Variants in ADAMTS6 observed in about 807,000 individuals in gnomAD.
The protein encoded by ADAMTS6 is ADAM metallopeptidase with thrombospondin type 1 motif 6.
In ADAMTS6, 23 loss-of-function variants were observed where a neutral mutation model predicts 144.3. The observed-to-expected ratio is 0.16, with a 90% CI of 0.11 to 0.23. ADAMTS6 has a LOEUF of 0.23. Ranked by LOEUF, ADAMTS6 falls within the 10% of genes least tolerant of loss-of-function variation. ADAMTS6 has a pLI of 1.00. For synonymous variants in ADAMTS6, 444 were observed against 457.5 expected (o/e 0.97, Z 0.38); for missense variants, 999 against 1,379.6 (o/e 0.72, Z 4.37).
intron 7 of ADAMTS6, among the ~76,000 whole-genome samples, chr5:65,394,968 G>C (rs1037711898): frequency 3.3e-5 from 5 of 152,068 alleles, no homozygotes; most frequent in Middle Eastern, 3.4e-3. Context: ...GCGTCATAGA[G>C]AAAAAAACTG....
At chr5:65,297,168 T>A in intron 10 of ADAMTS6, 1 of 453,778 alleles carries the variant, frequency 2.2e-6, no homozygotes, top group South Asian at 1.6e-5. Context: ...TTAACGGAAA[T>A]GGGTTCTTTA....
chr5:65,355,207 T>C (rs1749207139), intron 7 of ADAMTS6, among the ~76,000 whole-genome samples: 1 of 151,794 alleles, frequency 6.6e-6, no homozygotes, highest in South Asian at 2.1e-4. Flanking sequence ...ATTTTTCTGA[T>C]AAAATAGTTA....
chr5:65,230,083 A>G (rs1758030297), intron 15 of ADAMTS6, among the ~76,000 whole-genome samples: 1 of 151,906 alleles, frequency 6.6e-6, no homozygotes, highest in African/African-American at 2.4e-5. Flanking sequence ...GCTGGCCAGA[A>G]GAGGCTGATA....
intron 11 of ADAMTS6, among the ~76,000 whole-genome samples, chr5:65,285,295 G>A (rs915456091): frequency 3.9e-5 from 6 of 151,924 alleles, no homozygotes; most frequent in African/African-American, 1.2e-4. Flanking sequence ...GAGAGCACTG[G>A]GCACAGTGGC....
At chr5:65,461,597 G>A (rs1759646729) in intron 3 of ADAMTS6, among the ~76,000 whole-genome samples, 1 of 152,118 alleles carries the variant, frequency 6.6e-6, no homozygotes, top group Admixed American at 6.6e-5. Flanking sequence ...CTCTCTGGGT[G>A]TATTTCCTCA....
intron 7 of ADAMTS6, among the ~76,000 whole-genome samples, chr5:65,438,962 C>T (rs1190700492): frequency 6.6e-6 from 1 of 152,144 alleles, no homozygotes; most frequent in African/African-American, 2.4e-5. Flanking sequence ...CCTCTCTTCC[C>T]TATCCTCAGT....
chr5:65,154,282 T>C (rs1752288541), intron 24 of ADAMTS6, among the ~76,000 whole-genome samples: 1 of 152,188 alleles, frequency 6.6e-6, no homozygotes, highest in South Asian at 2.1e-4. Flanking sequence ...GTGCTAGAAA[T>C]AAGACTCTTC....
chr5:65,183,585 A>T (rs1754489638), intron 22 of ADAMTS6, among the ~76,000 whole-genome samples: 1 of 151,896 alleles, frequency 6.6e-6, no homozygotes, highest in Non-Finnish European at 1.5e-5. Flanking sequence ...ATAAGGGGGG[A>T]CTACTATCAA....
At chr5:65,395,102 T>C (rs555623951) in intron 7 of ADAMTS6, among the ~76,000 whole-genome samples, 2 of 152,274 alleles carry the variant, frequency 1.3e-5, no homozygotes, top group Admixed American at 1.3e-4. Context: ...AGTATGTGTA[T>C]GGAACACACA....
intron 7 of ADAMTS6, among the ~76,000 whole-genome samples, chr5:65,405,574 T>C (rs1725696971): frequency 6.6e-6 from 1 of 152,184 alleles, no homozygotes; most frequent in African/African-American, 2.4e-5. Flanking sequence ...TGAAGTCAGG[T>C]AGTGTGATGC....
intron 7 of ADAMTS6, among the ~76,000 whole-genome samples, chr5:65,450,865 T>C (rs1285776454): frequency 6.6e-6 from 1 of 152,120 alleles, no homozygotes; most frequent in African/African-American, 2.4e-5. Context: ...CTCAAAACAG[T>C]TTTGTAAAAC....
chr5:65,409,347 C>T (rs1240771240), intron 7 of ADAMTS6, among the ~76,000 whole-genome samples: 3 of 149,990 alleles, frequency 2.0e-5, no homozygotes, highest in Non-Finnish European at 3.0e-5. Flanking sequence ...AAATACACTA[C>T]CATCAGAGAA....
chr5:65,364,924 A>G (rs960054861), intron 7 of ADAMTS6, among the ~76,000 whole-genome samples: 1 of 152,170 alleles, frequency 6.6e-6, no homozygotes, highest in African/African-American at 2.4e-5. Flanking sequence ...AATCAGATCA[A>G]CTTACGAGGT....
intron 7 of ADAMTS6, among the ~76,000 whole-genome samples, chr5:65,371,497 G>A (rs1405664607): frequency 3.3e-5 from 5 of 152,098 alleles, no homozygotes; most frequent in Admixed American, 6.6e-5. Flanking sequence ...GAGCCAATGC[G>A]ATCAACTGGA....
At chr5:65,443,622 CAAAAAAAAAAAAAAA>C (rs59240974) in intron 7 of ADAMTS6, among the ~76,000 whole-genome samples, 2 of 69,122 alleles carry the variant, frequency 2.9e-5, no homozygotes, top group South Asian at 4.9e-4. Flanking sequence ...GACCCTGTCT[CAAAAAAAAAAAAAAA>C]AAAAAAAAAA....
intron 7 of ADAMTS6, among the ~76,000 whole-genome samples, chr5:65,440,921 T>A (rs1408480360): frequency 6.6e-6 from 1 of 152,040 alleles, no homozygotes; most frequent in Non-Finnish European, 1.5e-5. Context: ...TCAAGAATAA[T>A]TACAGAAACA....
chr5:65,376,411 A>C (rs1751555054), intron 7 of ADAMTS6, among the ~76,000 whole-genome samples: 2 of 152,050 alleles, frequency 1.3e-5, no homozygotes. Context: ...AAATTGCGCC[A>C]CTGCAGTCCA....
chr5:65,407,603 C>T (rs927861032), intron 7 of ADAMTS6, among the ~76,000 whole-genome samples: 18 of 150,404 alleles, frequency 1.2e-4, no homozygotes, highest in Admixed American at 4.0e-4. Context: ...GTTTTTTGTC[C>T]TTGCAATAGT....
intron 15 of ADAMTS6, among the ~76,000 whole-genome samples, chr5:65,232,285 T>A (rs1758309365): frequency 1.3e-5 from 2 of 152,118 alleles, no homozygotes. Flanking sequence ...TCAAACAACT[T>A]AACTTTACAT....
Sources: gnomAD v4.1 joint callset for allele counts (sites outside exome capture counted in the v4.1 genomes callset) on GRCh38, gnomAD v4.1.1 for gene constraint, MANE v1.5 for transcripts, NCBI Gene and HGNC (gene_info 2026-07-23, HGNC 2026-07-21) for gene names.